The following STXBP5L variants were observed in gnomAD, a reference collection of about 807,000 sequenced individuals.
STXBP5L encodes syntaxin binding protein 5L.
Under a neutral mutation model 144.5 loss-of-function variants are expected in STXBP5L, and 65 were observed. The ratio of observed to expected loss-of-function variants is 0.45; its 90% CI spans 0.37 to 0.55. STXBP5L has a LOEUF of 0.55. Ranked by LOEUF, STXBP5L falls within the 20% of genes least tolerant of loss-of-function variation. STXBP5L has a pLI of 0.00. For synonymous variants in STXBP5L, 505 were observed against 469.6 expected, an observed-to-expected ratio of 1.08 and a Z score of -0.97; for missense variants, 1,298 against 1,405.5, an observed-to-expected ratio of 0.92 and a Z score of 1.22.
chr3:120,978,592 C>T, intron 3 of STXBP5L, among the ~76,000 whole-genome samples: 1 of 152,230 alleles, frequency 6.6e-6, no homozygotes, highest in East Asian at 1.9e-4. Context: ...TGGTGAGGAA[C>T]TGCATTCCTT....
intron 11 of STXBP5L, among the ~76,000 whole-genome samples, chr3:121,223,919 G>T (rs2049044410): frequency 6.6e-6 from 1 of 151,880 alleles, no homozygotes; most frequent in African/African-American, 2.4e-5. Flanking sequence ...AACATAATGA[G>T]ATTCCATCTC....
rs572672480 is a variant in STXBP5L, at chr3:121,021,295, A to T, written c.288-20405A>T. Among the ~76,000 whole-genome samples, 11 of 152,318 alleles carry T rather than the reference A, an allele frequency of 7.2e-5. No homozygotes were observed. The South Asian group carries it at 2.3e-3, about 32-fold the overall frequency. On this transcript the variant is annotated intron_variant, in intron 3 of 26. Transcript: ENST00000471454. ...ATTACTACTAGACCTAAGCAATGAG[A>T]TAGACAGCAGAACAATAATAGTGTG...
intron 9 of STXBP5L, among the ~76,000 whole-genome samples, chr3:121,173,438 G>C (rs1051897952): frequency 1.3e-5 from 2 of 151,710 alleles, no homozygotes; most frequent in Admixed American, 6.6e-5. Context: ...ACTTATCAGA[G>C]AACTCAGGTT....
chr3:121,304,819 A>G (rs2043282961), intron 19 of STXBP5L, among the ~76,000 whole-genome samples: 1 of 152,074 alleles, frequency 6.6e-6, no homozygotes, highest in South Asian at 2.1e-4. Flanking sequence ...AGTAAGAGCA[A>G]TGTAAACCAC....
At chr3:121,053,406 G>A (rs1948185472) in intron 5 of STXBP5L, among the ~76,000 whole-genome samples, 1 of 152,080 alleles carries the variant, frequency 6.6e-6, no homozygotes, top group Non-Finnish European at 1.5e-5. Flanking sequence ...ATAGATCAAT[G>A]GAACAGAACA....
chr3:121,028,034 TA>T (rs1946076595), intron 3 of STXBP5L, among the ~76,000 whole-genome samples: 2 of 152,104 alleles, frequency 1.3e-5, no homozygotes, highest in African/African-American at 4.8e-5. Flanking sequence ...GTTCTGGAAA[TA>T]AAAATTCAGT....
chr3:121,233,320 A>G (rs1435001042), intron 11 of STXBP5L, among the ~76,000 whole-genome samples: 1 of 152,206 alleles, frequency 6.6e-6, no homozygotes, highest in Non-Finnish European at 1.5e-5. Flanking sequence ...TTGTGAGATC[A>G]GGTGACAGAT....
chr3:121,307,646 T>A (rs949248852), intron 19 of STXBP5L, among the ~76,000 whole-genome samples: 1 of 150,754 alleles, frequency 6.6e-6, no homozygotes, highest in African/African-American at 2.4e-5. Flanking sequence ...GAGAAAAAAA[T>A]ATGAAGAAAA....
intron 7 of STXBP5L, among the ~76,000 whole-genome samples, chr3:121,128,740 G>A (rs1308575006): frequency 6.6e-6 from 1 of 151,972 alleles, no homozygotes; most frequent in Non-Finnish European, 1.5e-5. Flanking sequence ...AAGCTGACTG[G>A]GATGTTGTTT....
chr3:121,073,531 G>T (rs574683497), intron 5 of STXBP5L, among the ~76,000 whole-genome samples: 1 of 152,310 alleles, frequency 6.6e-6, no homozygotes, highest in Non-Finnish European at 1.5e-5. Context: ...CCGTGGGCCA[G>T]TACCATGACC....
chr3:121,086,271 C>T (rs997128955), intron 5 of STXBP5L, among the ~76,000 whole-genome samples: 1 of 151,982 alleles, frequency 6.6e-6, no homozygotes, highest in Admixed American at 6.6e-5. Context: ...CAATTTTATT[C>T]AGTTCATTAT....
At chr3:121,095,973 G>T (rs1036139657) in intron 5 of STXBP5L, among the ~76,000 whole-genome samples, 1 of 152,108 alleles carries the variant, frequency 6.6e-6, no homozygotes, top group Admixed American at 6.6e-5. Context: ...TGGTGTGGTT[G>T]TCCTTTCTTT....
intron 5 of STXBP5L, among the ~76,000 whole-genome samples, chr3:121,066,599 T>C (rs2107647857): frequency 6.6e-6 from 1 of 152,228 alleles, no homozygotes; most frequent in South Asian, 2.1e-4. Context: ...TATGTGCTAA[T>C]ATATGCTGGG....
At chr3:121,095,388 C>T (rs777238197) in intron 5 of STXBP5L, among the ~76,000 whole-genome samples, 1 of 152,180 alleles carries the variant, frequency 6.6e-6, no homozygotes. Flanking sequence ...TGTTTTCCAA[C>T]GTGGTTCCAT....
Position 121,004,049 on chromosome 3 carries a change from A to G in STXBP5L, c.288-37651A>G, listed in dbSNP as rs569381523. On this transcript the variant is annotated intron_variant, in intron 3 of 26. Transcript: ENST00000471454. ...GCAATGCAGGCTCTTTTTTGGTTCC[A>G]TATGAACTTTAAAGTAGTTTTTTCC... Among the ~76,000 whole-genome samples the G allele has an allele frequency of 3.9e-5, 6 of 152,088 alleles. No homozygotes were observed. In the East Asian group the frequency reaches 1.2e-3, roughly 29 times the overall value.
In STXBP5L at chr3:121,106,034, T is replaced by G. The variant is rs534693208; in HGVS notation, c.471-8891T>G. Among the ~76,000 whole-genome samples the G allele has an allele frequency of 2.0e-5, 3 of 152,316 alleles. No individual in the cohort carries two copies. The East Asian group carries it at 5.8e-4, about 29-fold the overall frequency. ...AGAAAAATTTATTTATTTTGTGTTTTGATCATTAATGGCCCAATTGAAACA... is the reference window on the plus strand; with the variant it reads ...AGAAAAATTTATTTATTTTGTGTTTGGATCATTAATGGCCCAATTGAAACA... On this transcript the variant is annotated intron_variant, in intron 5 of 26. Coordinates refer to ENST00000471454, the MANE Select transcript of STXBP5L (RefSeq NM_001308330.2).
chr3:121,258,571 A>G (rs1036219604), intron 17 of STXBP5L, among the ~76,000 whole-genome samples: 1 of 152,174 alleles, frequency 6.6e-6, no homozygotes, highest in Non-Finnish European at 1.5e-5. Context: ...CATCAGTAGT[A>G]TTTGATAATT....
At chr3:121,160,313 A>G (rs1397167055) in intron 9 of STXBP5L, among the ~76,000 whole-genome samples, 3 of 152,308 alleles carry the variant, frequency 2.0e-5, no homozygotes, top group Admixed American at 2.0e-4. Context: ...TACATATCCT[A>G]TAAAGAGCAT....
At chr3:121,024,994 T>C (rs1198737912) in intron 3 of STXBP5L, among the ~76,000 whole-genome samples, 1 of 152,122 alleles carries the variant, frequency 6.6e-6, no homozygotes, top group Non-Finnish European at 1.5e-5. Context: ...ATAGTTTAAA[T>C]TGAGGTCTCC....
Sources: allele counts gnomAD v4.1 joint callset (sites outside exome capture counted in the v4.1 genomes callset), GRCh38; gene constraint gnomAD v4.1.1; transcripts MANE v1.5; gene names NCBI Gene and HGNC (gene_info 2026-07-23, HGNC 2026-07-21).